The following NELL1 variants were observed in gnomAD, a reference collection of about 807,000 sequenced individuals.
NELL1 encodes the protein neural EGFL like 1, also known as protein kinase C-binding protein NELL1.
In NELL1, 76 loss-of-function variants were observed where a neutral mutation model predicts 107.4. That is an observed-to-expected ratio of 0.71 (90% CI 0.59 to 0.86). The LOEUF (loss-of-function observed/expected upper bound fraction) is 0.86, where lower values mean the gene tolerates loss of function less well. Ranked by LOEUF, NELL1 falls within the 40% of genes least tolerant of loss-of-function variation. The probability of loss-of-function intolerance (pLI) is 0.00; values close to 1 mark genes in which losing one functional copy is unlikely to be tolerated. For synonymous variants in NELL1, 353 were observed against 341.2 expected (o/e 1.03, Z -0.38); for missense variants, 1,024 against 1,005.5 (o/e 1.02, Z -0.25).
At chr11:20,708,321 G>A (rs2853015) in intron 2 of NELL1, among the ~76,000 whole-genome samples, 29,607 of 152,094 alleles carry the variant, frequency 0.19, 3,184 homozygotes, top group African/African-American at 0.25. Context: ...GCCCTGCTTC[G>A]GCTCACACTC....
intron 2 of NELL1, among the ~76,000 whole-genome samples, chr11:20,729,823 T>G (rs1432284400): frequency 6.6e-6 from 1 of 152,120 alleles, no homozygotes; most frequent in Non-Finnish European, 1.5e-5. Context: ...TCTTCTGCTG[T>G]GGCGGTTGGG....
intron 16 of NELL1, among the ~76,000 whole-genome samples, chr11:21,534,916 A>T (rs1257553009): frequency 6.6e-6 from 1 of 152,186 alleles, no homozygotes; most frequent in African/African-American, 2.4e-5. Flanking sequence ...TTTGAATCTC[A>T]TCTCTTATAC....
At chr11:21,258,207 A>G (rs1050157963) in intron 14 of NELL1, among the ~76,000 whole-genome samples, 1 of 152,046 alleles carries the variant, frequency 6.6e-6, no homozygotes, top group Non-Finnish European at 1.5e-5. Context: ...ATTTCATTTG[A>G]GGACAAGGGA....
chr11:21,474,847 C>T (rs750703518), intron 15 of NELL1, among the ~76,000 whole-genome samples: 4 of 152,124 alleles, frequency 2.6e-5, no homozygotes, highest in Non-Finnish European at 5.9e-5. Context: ...ATAAAATATA[C>T]TAACTTTAAC....
intron 19 of NELL1, among the ~76,000 whole-genome samples, chr11:21,574,409 T>C (rs1857174039): frequency 6.6e-6 from 1 of 151,790 alleles, no homozygotes; most frequent in South Asian, 2.1e-4. Flanking sequence ...TGTTACTTAT[T>C]TGATAATTAT....
At chr11:20,739,734 A>G (rs1855845051) in intron 2 of NELL1, among the ~76,000 whole-genome samples, 1 of 152,184 alleles carries the variant, frequency 6.6e-6, no homozygotes, top group South Asian at 2.1e-4. Flanking sequence ...CAGAGAGACA[A>G]AGTGACCTCT....
chr11:21,529,806 A>G (rs898510643), intron 15 of NELL1, among the ~76,000 whole-genome samples: 2 of 152,148 alleles, frequency 1.3e-5, no homozygotes, highest in African/African-American at 4.8e-5. Flanking sequence ...GTTAATATCC[A>G]GACTGTGCTT....
At chr11:21,108,777 TA>T (rs1434973117) in intron 12 of NELL1, among the ~76,000 whole-genome samples, 5 of 152,046 alleles carry the variant, frequency 3.3e-5, no homozygotes, top group African/African-American at 1.2e-4. Flanking sequence ...GGATTTGATT[TA>T]AAAGAGCCAA....
intron 14 of NELL1, among the ~76,000 whole-genome samples, chr11:21,285,703 G>A (rs1849100324): frequency 6.6e-6 from 1 of 152,158 alleles, no homozygotes; most frequent in South Asian, 2.1e-4. Flanking sequence ...GCGAAACAGA[G>A]AACTATCGAT....
chr11:20,887,243 G>C (rs1177709776), intron 5 of NELL1, among the ~76,000 whole-genome samples: 1 of 152,184 alleles, frequency 6.6e-6, no homozygotes, highest in Non-Finnish European at 1.5e-5. Context: ...CCATTCTTCA[G>C]TTGATGGACA....
intron 14 of NELL1, among the ~76,000 whole-genome samples, chr11:21,254,330 C>A (rs1385846206): frequency 6.6e-6 from 1 of 151,948 alleles, no homozygotes; most frequent in South Asian, 2.1e-4. Flanking sequence ...AGAAAAAAGC[C>A]ATTTCCTCTC....
chr11:21,328,336 C>T (rs1385707971), intron 14 of NELL1, among the ~76,000 whole-genome samples: 1 of 152,134 alleles, frequency 6.6e-6, no homozygotes, highest in Non-Finnish European at 1.5e-5. Context: ...TCAGCCTTGG[C>T]AGCTTACACG....
intron 14 of NELL1, among the ~76,000 whole-genome samples, chr11:21,255,529 G>GA (rs373064548): frequency 6.6e-6 from 1 of 151,730 alleles, no homozygotes; most frequent in East Asian, 1.9e-4. Context: ...ATCTGGGGGA[G>GA]AAAAAAACAA....
intron 13 of NELL1, among the ~76,000 whole-genome samples, chr11:21,223,304 C>G (rs575009801): frequency 2.6e-5 from 4 of 152,218 alleles, no homozygotes; most frequent in African/African-American, 7.2e-5. Context: ...ATTCCCTTAT[C>G]ATTATATAAT....
At chr11:20,718,886 T>C (rs564846906) in intron 2 of NELL1, among the ~76,000 whole-genome samples, 13 of 152,168 alleles carry the variant, frequency 8.5e-5, no homozygotes, top group Non-Finnish European at 5.9e-5. Flanking sequence ...CTGTAGCTAG[T>C]ACCAAGGGCT....
intron 14 of NELL1, among the ~76,000 whole-genome samples, chr11:21,265,967 C>A (rs893994596): frequency 6.6e-6 from 1 of 151,834 alleles, no homozygotes; most frequent in Non-Finnish European, 1.5e-5. Context: ...TTCAGCCAAA[C>A]AGGAATGCTT....
intron 16 of NELL1, among the ~76,000 whole-genome samples, chr11:21,557,896 A>G (rs4262719): frequency 0.67 from 102,020 of 151,820 alleles, 36,945 homozygotes; most frequent in Non-Finnish European, 0.82. Context: ...TGTTATACTC[A>G]GCACTGGGAA....
intron 15 of NELL1, among the ~76,000 whole-genome samples, chr11:21,451,208 AAAAAAGAAAAAAG>A (rs1259015312): frequency 6.8e-6 from 1 of 146,448 alleles, no homozygotes; most frequent in African/African-American, 2.5e-5. Context: ...AAAAAGAAAA[AAAAAAGAAAAAAG>A]AAAAAGAAAA....
At chr11:21,489,300 A>AAAGCCCAG (rs1854727938) in intron 15 of NELL1, among the ~76,000 whole-genome samples, 1 of 148,754 alleles carries the variant, frequency 6.7e-6, no homozygotes, top group Non-Finnish European at 1.5e-5. Context: ...TCTCCTAACA[A>AAAGCCCAG]AAGCCCAGGA....
Sources: gnomAD v4.1 joint callset for allele counts (sites outside exome capture counted in the v4.1 genomes callset) on GRCh38, gnomAD v4.1.1 for gene constraint, MANE v1.5 for transcripts, NCBI Gene and HGNC (gene_info 2026-07-23, HGNC 2026-07-21) for gene names.